SETX: variants seen among roughly 807,000 people sequenced by gnomAD.
SETX encodes the protein senataxin.
A neutral mutation model predicts 227.2 loss-of-function variants in SETX; 90 were observed. The observed-to-expected ratio is 0.40, with a 90% CI of 0.33 to 0.47. The LOEUF (loss-of-function observed/expected upper bound fraction) is 0.47. Ranked by LOEUF, SETX falls within the 20% of genes least tolerant of loss-of-function variation. The pLI is 0.91. For synonymous variants in SETX, 1,210 were observed against 1,113.2 expected (o/e 1.09, Z -1.73); for missense variants, 3,052 against 3,181.5 (o/e 0.96, Z 0.98).
At chr9:132,285,036 G>T (rs968924147) in intron 18 of SETX, among the ~76,000 whole-genome samples, 2 of 151,880 alleles carry the variant, frequency 1.3e-5, no homozygotes, top group African/African-American at 4.8e-5. Context: ...CCACCACCAC[G>T]CCCAGCTAAT....
chr9:132,286,474 G>C lies in SETX; in HGVS notation c.6345C>G (p.Asn2115Lys). 6.2e-7 allele frequency: 1 copy of C among 1,613,222 alleles called. No homozygotes were observed. The highest frequency in any genetic ancestry group is 8.5e-7 in the Non-Finnish European group (1 of 1,179,644). The part of the protein sequence containing the change: ...REIQRQELDE[N>K]ISKVSKERQE... ...GCCTTTCCTTAGAAACTTTGGAAAT[G>C]TTTTCATCTAATTCTTGCCTCTGGA... is the stretch of plus-strand genomic sequence containing the variant. Residue 2115 changes from asparagine (N) to lysine (K), a missense_variant, in exon 18 of 26, where the codon AAC (asparagine) becomes AAG (lysine). Transcript: ENST00000224140.
chr9:132,323,033 A>G (rs183387407), intron 10 of SETX, among the ~76,000 whole-genome samples: 2 of 152,276 alleles, frequency 1.3e-5, no homozygotes, highest in African/African-American at 2.4e-5. Flanking sequence ...ATTAAAGAAA[A>G]TGAGAAGATT....
At chr9:132,335,280 A>C (rs1204844631) in intron 6 of SETX, among the ~76,000 whole-genome samples, 2 of 148,428 alleles carry the variant, frequency 1.3e-5, no homozygotes, top group Non-Finnish European at 3.0e-5. Flanking sequence ...GGTCCCAGCT[A>C]CTCGGGAGGC....
At chr9:132,352,650 TTGAG>T (rs1185737888) in intron 2 of SETX, among the ~76,000 whole-genome samples, 4 of 151,806 alleles carry the variant, frequency 2.6e-5, no homozygotes, top group African/African-American at 4.8e-5. Context: ...ACTGGGGAGG[TTGAG>T]TGAAATGATG....
intron 19 of SETX, 21 bp from the exon 20 acceptor site, chr9:132,281,595 A>C (rs1589632776): frequency 1.3e-6 from 2 of 1,515,018 alleles, no homozygotes; most frequent in East Asian, 4.5e-5. Context: ...TACAGAAGAG[A>C]GAGGCAGTCT....
intron 2 of SETX, among the ~76,000 whole-genome samples, chr9:132,350,938 G>C (rs1848571687): frequency 6.6e-6 from 1 of 152,138 alleles, no homozygotes; most frequent in South Asian, 2.1e-4. Context: ...TAGCCGCAGA[G>C]TACCGCCCTT....
At chr9:132,294,511 G>T (rs1490313971) in intron 15 of SETX, among the ~76,000 whole-genome samples, 1 of 152,210 alleles carries the variant, frequency 6.6e-6, no homozygotes, top group African/African-American at 2.4e-5. Context: ...ACAATGTATT[G>T]TATGTTTTAA....
chr9:132,266,242 T>G (rs10114181), intron 25 of SETX: 27,732 of 152,426 alleles, frequency 0.18, 3,209 homozygotes, highest in East Asian at 0.42. Flanking sequence ...CTGAGCCTGT[T>G]TCCTCATCTG....
In SETX at chr9:132,272,488, A is replaced by G. The variant is rs1842950860; in HGVS notation, c.7101-680T>C. 3.5e-5 allele frequency among the ~76,000 whole-genome samples: 5 copies of G among 142,704 alleles called. No individual in the cohort carries two copies. In the South Asian group the frequency reaches 1.1e-3, roughly 31 times the overall value. 93.6% of individuals were successfully genotyped at this position (142,704 alleles called of 152,430 possible). ...TTTAAAGAAACTTAAAAAAAAAAAG[A>G]GAGAGAGAGAGAGACAGAGTCTCAC... On this transcript the variant is annotated intron_variant, in intron 23 of 25. Transcript: ENST00000224140.
At chr9:132,287,127 A>ACG (rs1433165606) in intron 17 of SETX, among the ~76,000 whole-genome samples, 3 of 152,188 alleles carry the variant, frequency 2.0e-5, no homozygotes, top group Non-Finnish European at 4.4e-5. Context: ...ACTGGGCTCA[A>ACG]CATGCAACTG....
rs1372703448 is a variant in SETX at position 132,327,163 on chromosome 9, C to G, written c.4435G>C (p.Ala1479Pro). 1 of 1,614,200 alleles carries G rather than the reference C, an allele frequency of 6.2e-7. No homozygotes were observed. Among genetic ancestry groups the G allele is most frequent in the East Asian group, 2.2e-5 (1 of 44,886 alleles). ...GAGTCAGGCTCTCCTTCTTTCAAAG[C>G]TGCCATCTCTATATGACGTGCTGTT... ...DPTARHIEMA[A>P]LKEGEPDSSS... The change falls in exon 10 of 26, where the codon GCT becomes CCT. Residue 1479 changes from alanine to proline, a missense_variant. Ala to Pro is a conservative substitution (Grantham distance 27). Transcript: ENST00000224140.
At chr9:132,345,950 T>C (rs1055311212) in intron 4 of SETX, among the ~76,000 whole-genome samples, 2 of 152,080 alleles carry the variant, frequency 1.3e-5, no homozygotes, top group Non-Finnish European at 2.9e-5. Flanking sequence ...GCCCAGGAGG[T>C]AGAGGCTGCA....
rs1842487314 is a variant in SETX at position 132,263,544 on chromosome 9, A to ATGAACTC, written c.*688_*694dup. ...ACTATGTGCATACTGAAACAGGTAA[A>ATGAACTC]TGAACTCATCACAGAAATATAATAC... On this transcript the variant is annotated 3_prime_UTR_variant, in exon 26 of 26. Coordinates refer to ENST00000224140, the MANE Select transcript of SETX (RefSeq NM_015046.7). 6.6e-6 allele frequency: 1 copy of ATGAACTC among 152,240 alleles called. No individual in the cohort carries two copies. The highest frequency in any genetic ancestry group is 2.1e-4 in the South Asian group (1 of 4,834). The allele number at this position is 152,240 out of a possible 1,614,324, so 9.4% of individuals were successfully genotyped here.
intron 7 of SETX, among the ~76,000 whole-genome samples, chr9:132,333,996 C>A (rs551673431): frequency 6.6e-6 from 1 of 151,986 alleles, no homozygotes; most frequent in South Asian, 2.1e-4. Context: ...AAAGGGAGGC[C>A]ATGGGACAGA....
chr9:132,346,195 G>A, intron 4 of SETX, 66 bp downstream of exon 4: 1 of 1,309,024 alleles, frequency 7.6e-7, no homozygotes, highest in Non-Finnish European at 1.1e-6. Context: ...ATATAGATAA[G>A]CCTAAATTCT....
At chr9:132,350,144 G>A (rs555121356) in intron 2 of SETX, among the ~76,000 whole-genome samples, 14 of 152,260 alleles carry the variant, frequency 9.2e-5, no homozygotes, top group Admixed American at 5.2e-4. Context: ...CTTGAGGTCC[G>A]CAGTTCGAGA....
At chr9:132,321,425 G>A (rs1846320256) in intron 10 of SETX, among the ~76,000 whole-genome samples, 1 of 152,112 alleles carries the variant, frequency 6.6e-6, no homozygotes, top group Non-Finnish European at 1.5e-5. Flanking sequence ...GGAAGGCCGA[G>A]GTGGGTGGAT....
At chr9:132,350,267 C>T (rs480779) in intron 2 of SETX, among the ~76,000 whole-genome samples, 128,507 of 152,106 alleles carry the variant, frequency 0.84, 54,622 homozygotes, top group Non-Finnish European at 0.9. Flanking sequence ...GGAGTACTGC[C>T]TGAACGTGGG....
At position 132,346,392 on chromosome 9, in the gene SETX, T is replaced by C; in HGVS notation, c.257A>G (p.Glu86Gly). The part of the protein sequence containing the change: ...SMKAEIGDDD[E>G]LYIVDNNGEM... ...TCCATTATTGTCTACTATATATAAC[T>C]CATCATCATCTCCAATTTCTGCCTT... The change falls in exon 4 of 26, where the codon GAG becomes GGG. Residue 86 changes from glutamate to glycine, a missense_variant. Glu to Gly is a moderately conservative substitution (Grantham distance 98). Transcript: ENST00000224140. The C allele has an allele frequency of 6.2e-7, 1 of 1,613,708 alleles. No individual in the cohort carries two copies. Among genetic ancestry groups the C allele is most frequent in the Non-Finnish European group, 8.5e-7 (1 of 1,179,658 alleles).
Sources: gnomAD v4.1 joint callset for allele counts (sites outside exome capture counted in the v4.1 genomes callset) on GRCh38, gnomAD v4.1.1 for gene constraint, MANE v1.5 for transcripts, NCBI Gene and HGNC (gene_info 2026-07-23, HGNC 2026-07-21) for gene names.